PTPRD: variants seen among roughly 807,000 people sequenced by gnomAD.
The protein encoded by PTPRD is receptor-type tyrosine-protein phosphatase delta.
Under a neutral mutation model 214.5 loss-of-function variants are expected in PTPRD, and 34 were observed. The ratio of observed to expected loss-of-function variants is 0.16; its 90% CI spans 0.12 to 0.21. The LOEUF (loss-of-function observed/expected upper bound fraction) is 0.21, where lower values mean the gene tolerates loss of function less well. Ranked by LOEUF, PTPRD falls within the 10% of genes least tolerant of loss-of-function variation. The pLI is 1.00. For missense variants in PTPRD, 2,545 were observed against 2,398.7 expected (o/e 1.06, Z -1.27); for synonymous variants, 1,128 against 845.7 (o/e 1.33, Z -5.79).
At chr9:10,037,918 A>C (rs2799082) in intron 3 of PTPRD, among the ~76,000 whole-genome samples, 70,585 of 151,932 alleles carry the variant, frequency 0.46, 19,450 homozygotes, top group African/African-American at 0.76. Flanking sequence ...TATTTTCAGT[A>C]ATGTTCTCTC....
At chr9:9,173,399 G>C (rs968078) in intron 10 of PTPRD, among the ~76,000 whole-genome samples, 95,019 of 151,874 alleles carry the variant, frequency 0.63, 30,354 homozygotes, top group South Asian at 0.76. Flanking sequence ...TACTGGTTGG[G>C]TCATGGGTCA....
At chr9:9,756,591 C>T (rs765606722) in intron 6 of PTPRD, among the ~76,000 whole-genome samples, 5 of 151,964 alleles carry the variant, frequency 3.3e-5, no homozygotes, top group Non-Finnish European at 7.4e-5. Flanking sequence ...GAATGGGGAA[C>T]AACTGTTTAG....
intron 31 of PTPRD, among the ~76,000 whole-genome samples, chr9:8,470,316 A>G (rs1202080971): frequency 6.6e-6 from 1 of 152,112 alleles, no homozygotes; most frequent in Non-Finnish European, 1.5e-5. Flanking sequence ...CATGTTATGC[A>G]TTACCTTTCA....
rs2083323644 is a variant in PTPRD, at chr9:8,376,591, A to C, written c.4506+16T>G. 2 of 1,612,398 alleles carry C rather than the reference A, an allele frequency of 1.2e-6. No homozygotes were observed. Among genetic ancestry groups the C allele is most frequent in the Non-Finnish European group, 8.5e-7 (1 of 1,178,936 alleles). On this transcript the variant is annotated intron_variant, in intron 38 of 45. Coordinates refer to ENST00000381196, the MANE Select transcript of PTPRD (RefSeq NM_002839.4). ...ATAGAGAAGGGAAAGGGAGGAGAAAAAGATGAAAAGCAAACCTTGTAAAGT... is the reference window on the plus strand; with the variant it reads ...ATAGAGAAGGGAAAGGGAGGAGAAACAGATGAAAAGCAAACCTTGTAAAGT...
At chr9:10,531,451 A>G (rs890038236) in intron 2 of PTPRD, among the ~76,000 whole-genome samples, 12 of 152,208 alleles carry the variant, frequency 7.9e-5, no homozygotes, top group African/African-American at 2.9e-4. Flanking sequence ...GACACATTAA[A>G]ATAGATGGGA....
intron 10 of PTPRD, among the ~76,000 whole-genome samples, chr9:9,055,859 T>A (rs1401466006): frequency 2.0e-5 from 3 of 150,946 alleles, no homozygotes; most frequent in African/African-American, 7.3e-5. Context: ...AAAATACATA[T>A]GCATTATATA....
chr9:10,170,322 G>C (rs2099193446), intron 3 of PTPRD, among the ~76,000 whole-genome samples: 1 of 152,098 alleles, frequency 6.6e-6, no homozygotes, highest in East Asian at 1.9e-4. Context: ...ATTTTACTGA[G>C]AAAGCTTTTT....
chr9:9,833,686 G>GA lies in PTPRD; in HGVS notation c.-367-66836_-367-66835insT, dbSNP rs200580817. ...AAGAGACAGGTACGCTCCGGAGAGGGGGGCAGTTCAGAGACCTACCCCTAG... is the reference window on the plus strand; with the variant it reads ...AAGAGACAGGTACGCTCCGGAGAGGGAGGGCAGTTCAGAGACCTACCCCTAG... On this transcript the variant is annotated intron_variant, in intron 5 of 45. Coordinates refer to ENST00000381196, the MANE Select transcript of PTPRD (RefSeq NM_002839.4). Among the ~76,000 whole-genome samples the GA allele has an allele frequency of 1.2e-3, 172 of 148,700 alleles. 2 individuals are homozygous for GA. Among genetic ancestry groups the GA allele is most frequent in the Middle Eastern group, 3.4e-3 (1 of 290 alleles).
intron 3 of PTPRD, among the ~76,000 whole-genome samples, chr9:10,269,092 C>A (rs775994626): frequency 3.9e-5 from 6 of 152,176 alleles, no homozygotes; most frequent in Admixed American, 2.0e-4. Context: ...ATGCTCAAAC[C>A]TTTTGCTCCT....
chr9:8,383,306 T>G (rs550943022), intron 37 of PTPRD, among the ~76,000 whole-genome samples: 1 of 152,090 alleles, frequency 6.6e-6, no homozygotes, highest in Admixed American at 6.5e-5. Context: ...GGGGAAGACA[T>G]AGGAGGAGGA....
intron 10 of PTPRD, among the ~76,000 whole-genome samples, chr9:9,159,516 G>A (rs1030963372): frequency 1.3e-5 from 2 of 152,036 alleles, no homozygotes; most frequent in African/African-American, 4.8e-5. Context: ...TGAAAGATCT[G>A]TATACTGAAA....
intron 43 of PTPRD, among the ~76,000 whole-genome samples, chr9:8,336,563 A>T (rs1014701715): frequency 1.1e-4 from 17 of 150,672 alleles, no homozygotes; most frequent in Admixed American, 1.1e-3. Flanking sequence ...AAACACCAAA[A>T]GCAATGGCAA....
chr9:9,613,571 T>C (rs76354862), intron 7 of PTPRD, among the ~76,000 whole-genome samples: 5,726 of 152,278 alleles, frequency 0.038, 319 homozygotes, highest in African/African-American at 0.12. Flanking sequence ...ATATCCTTCA[T>C]TGATCTCTTT....
At chr9:8,875,721 A>C (rs576001245) in intron 11 of PTPRD, among the ~76,000 whole-genome samples, 31 of 152,284 alleles carry the variant, frequency 2.0e-4, no homozygotes, top group Middle Eastern at 3.4e-3. Flanking sequence ...AAACATCTAC[A>C]ATGTATAATA....
intron 7 of PTPRD, among the ~76,000 whole-genome samples, chr9:9,608,810 G>C (rs1406838418): frequency 6.6e-6 from 1 of 152,172 alleles, no homozygotes; most frequent in Non-Finnish European, 1.5e-5. Context: ...GGGTTTGCTT[G>C]ATTCCTTGGT....
chr9:8,563,510 A>C (rs779746484), intron 14 of PTPRD, among the ~76,000 whole-genome samples: 7 of 140,154 alleles, frequency 5.0e-5, no homozygotes, highest in Non-Finnish European at 1.1e-4. Context: ...CAATCTTGGT[A>C]CACTGCAACC....
chr9:9,326,070 T>C (rs2039733339), intron 9 of PTPRD, among the ~76,000 whole-genome samples: 1 of 152,134 alleles, frequency 6.6e-6, no homozygotes, highest in South Asian at 2.1e-4. Context: ...ATAAGCTTTT[T>C]GATGTGCCGC....
At chr9:9,799,262 C>A (rs1404501002) in intron 5 of PTPRD, among the ~76,000 whole-genome samples, 1 of 151,648 alleles carries the variant, frequency 6.6e-6, no homozygotes, top group Non-Finnish European at 1.5e-5. Flanking sequence ...GAGAGTTAAA[C>A]TTAAAAATTA....
intron 2 of PTPRD, among the ~76,000 whole-genome samples, chr9:10,592,816 T>C (rs1337896802): frequency 1.3e-5 from 2 of 151,724 alleles, no homozygotes; most frequent in Admixed American, 1.3e-4. Context: ...GCAGGGAGGA[T>C]TGAAAAACGG....
Sources: allele counts gnomAD v4.1 joint callset (sites outside exome capture counted in the v4.1 genomes callset), GRCh38; gene constraint gnomAD v4.1.1; transcripts MANE v1.5; gene names NCBI Gene and HGNC (gene_info 2026-07-23, HGNC 2026-07-21).